The following UBAC2 variants were observed in gnomAD, a reference collection of about 807,000 sequenced individuals.
The protein encoded by UBAC2 is ubiquitin-associated domain-containing protein 2.
In UBAC2, 26 loss-of-function variants were observed where a neutral mutation model predicts 44.0. That is an observed-to-expected ratio of 0.59 (90% confidence interval 0.43 to 0.82). The LOEUF is 0.82. Ranked by LOEUF, UBAC2 falls within the 40% of genes least tolerant of loss-of-function variation. The probability of loss-of-function intolerance (pLI) is 0.00; values close to 1 mark genes in which losing one functional copy is unlikely to be tolerated. For missense variants in UBAC2, 329 were observed against 419.4 expected, an observed-to-expected ratio of 0.78 and a Z score of 1.88; for synonymous variants, 155 against 154.3, an observed-to-expected ratio of 1.00 and a Z score of -0.04.
intron 4 of UBAC2, 57 bp downstream of exon 4, chr13:99,244,681 GTTA>G (rs888838446): frequency 4.0e-5 from 41 of 1,014,742 alleles, no homozygotes; most frequent in Admixed American, 8.9e-5. Flanking sequence ...GATTTAAAGT[GTTA>G]TTATTATTAT....
intron 7 of UBAC2, among the ~76,000 whole-genome samples, chr13:99,364,338 A>G (rs1482768611): frequency 6.7e-6 from 1 of 149,720 alleles, no homozygotes; most frequent in East Asian, 1.9e-4. Context: ...GATTTTTGAG[A>G]TAAATCCTAA....
chr13:99,349,820 GGGGT>G (rs2045053026), intron 7 of UBAC2, among the ~76,000 whole-genome samples: 2 of 152,204 alleles, frequency 1.3e-5, no homozygotes, highest in Non-Finnish European at 2.9e-5. Context: ...ATCACAGGGA[GGGGT>G]TTAGGACTTC....
intron 1 of UBAC2, among the ~76,000 whole-genome samples, chr13:99,233,616 T>C (rs1380768451): frequency 1.3e-5 from 2 of 151,888 alleles, no homozygotes; most frequent in African/African-American, 2.4e-5. Flanking sequence ...CATCTGAACG[T>C]TGGAAAAAGA....
chr13:99,367,743 C>G, intron 7 of UBAC2, 44 bp from the exon 8 acceptor site: 1 of 1,613,022 alleles, frequency 6.2e-7, no homozygotes, highest in Non-Finnish European at 8.5e-7. Context: ...TATGATGATT[C>G]TGCTCCTTCT....
chr13:99,216,834 C>CTTTTTTTTTTTTTTTTTTTTTTT (rs11338165), intron 1 of UBAC2, among the ~76,000 whole-genome samples: 4 of 140,618 alleles, frequency 2.8e-5, no homozygotes, highest in East Asian at 2.1e-4. Flanking sequence ...TTTCTTTTTT[C>CTTTTTTTTTTTTTTTTTTTTTTT]TTTTTTTTTT....
chr13:99,281,846 G>C (rs1402076994), intron 4 of UBAC2, among the ~76,000 whole-genome samples: 3 of 152,112 alleles, frequency 2.0e-5, no homozygotes, highest in Non-Finnish European at 2.9e-5. Flanking sequence ...AGGAGACTCA[G>C]GCTTTTAACA....
intron 4 of UBAC2, among the ~76,000 whole-genome samples, chr13:99,312,504 G>A (rs2044425426): frequency 6.6e-6 from 1 of 152,158 alleles, no homozygotes; most frequent in South Asian, 2.1e-4. Flanking sequence ...TTGAGGTCAA[G>A]GACTGCTTCT....
intron 4 of UBAC2, among the ~76,000 whole-genome samples, chr13:99,268,177 T>G (rs2043767702): frequency 6.6e-6 from 1 of 152,204 alleles, no homozygotes; most frequent in Non-Finnish European, 1.5e-5. Flanking sequence ...AGATGTAATC[T>G]TACCTGGGCA....
chr13:99,347,537 C>G (rs2045010160), intron 7 of UBAC2, among the ~76,000 whole-genome samples: 1 of 152,024 alleles, frequency 6.6e-6, no homozygotes, highest in African/African-American at 2.4e-5. Flanking sequence ...GGTCCCCGTT[C>G]AAGTTACTTT....
intron 4 of UBAC2, among the ~76,000 whole-genome samples, chr13:99,264,297 A>G (rs757854115): frequency 3.1e-4 from 47 of 152,220 alleles, no homozygotes; most frequent in Non-Finnish European, 6.2e-4. Context: ...CCAGGGGCCC[A>G]TGAGCCTTTG....
chr13:99,255,727 C>T (rs553909988), intron 4 of UBAC2: 1 of 1,613,880 alleles, frequency 6.2e-7, no homozygotes, highest in East Asian at 2.2e-5. Flanking sequence ...CTTGGTGGTA[C>T]AACTGAAAAC....
At chr13:99,309,986 C>T (rs532098401) in intron 4 of UBAC2, among the ~76,000 whole-genome samples, 26 of 152,254 alleles carry the variant, frequency 1.7e-4, no homozygotes, top group Non-Finnish European at 3.8e-4. Flanking sequence ...TGTTTTCTAT[C>T]GAGTGCGATC....
intron 1 of UBAC2, among the ~76,000 whole-genome samples, chr13:99,214,227 T>G (rs72648073): frequency 0.01 from 1,540 of 151,848 alleles, 12 homozygotes; most frequent in Non-Finnish European, 0.016. Context: ...TGGTTTGTTT[T>G]TTTTTTTTTT....
At chr13:99,358,346 G>GTA (rs2045218002) in intron 7 of UBAC2, among the ~76,000 whole-genome samples, 1 of 152,118 alleles carries the variant, frequency 6.6e-6, no homozygotes, top group South Asian at 2.1e-4. Flanking sequence ...GGCTGGATTT[G>GTA]CTTCATGTAC....
chr13:99,217,892 C>G (rs2043015254), intron 1 of UBAC2, among the ~76,000 whole-genome samples: 1 of 152,188 alleles, frequency 6.6e-6, no homozygotes, highest in African/African-American at 2.4e-5. Flanking sequence ...ATCGACTCCC[C>G]CATTTCACTG....
intron 8 of UBAC2, among the ~76,000 whole-genome samples, chr13:99,376,246 G>A (rs1593987992): frequency 6.6e-6 from 1 of 152,254 alleles, no homozygotes; most frequent in South Asian, 2.1e-4. Context: ...TTGTGGCAAC[G>A]CCTATTTCTG....
At chr13:99,232,411 T>TATATATATATATATATATAG (rs1429209504) in intron 1 of UBAC2, among the ~76,000 whole-genome samples, 1 of 141,218 alleles carries the variant, frequency 7.1e-6, no homozygotes, top group African/African-American at 2.5e-5. Context: ...TATAGATATA[T>TATATATATATATATATATAG]ATATATATAT....
At chr13:99,367,955 G>A in intron 8 of UBAC2, 49 bp downstream of exon 8, 2 of 1,590,558 alleles carry the variant, frequency 1.3e-6, no homozygotes, top group Non-Finnish European at 1.7e-6. Context: ...ATGTTTCAGA[G>A]TTGAAGCAGT....
intron 7 of UBAC2, among the ~76,000 whole-genome samples, chr13:99,362,832 CTG>C (rs2045283447): frequency 6.6e-6 from 1 of 152,166 alleles, no homozygotes; most frequent in African/African-American, 2.4e-5. Context: ...TTCTCTCAAT[CTG>C]TAGTTTGTCT....
Sources: gnomAD v4.1 joint callset for allele counts (sites outside exome capture counted in the v4.1 genomes callset) on GRCh38, gnomAD v4.1.1 for gene constraint, MANE v1.5 for transcripts, NCBI Gene and HGNC (gene_info 2026-07-23, HGNC 2026-07-21) for gene names.